ZNF462: variants seen among roughly 807,000 people sequenced by gnomAD.
ZNF462 encodes zinc finger protein 462.
In ZNF462, 10 loss-of-function variants were observed where a neutral mutation model predicts 201.9. The ratio of observed to expected loss-of-function variants is 0.05; its 90% CI spans 0.03 to 0.08. The LOEUF (loss-of-function observed/expected upper bound fraction) is 0.08, where lower values mean the gene tolerates loss of function less well. Ranked by LOEUF, ZNF462 falls within the 10% of genes least tolerant of loss-of-function variation. The pLI is 1.00. For synonymous variants in ZNF462, 1,227 were observed against 1,193.3 expected (o/e 1.03, Z -0.58); for missense variants, 2,523 against 3,168.3 (o/e 0.80, Z 4.89).
intron 1 of ZNF462, among the ~76,000 whole-genome samples, chr9:106,868,771 C>G (rs2130806317): frequency 6.6e-6 from 1 of 152,336 alleles, no homozygotes; most frequent in South Asian, 2.1e-4. Flanking sequence ...GCCCTTTCCA[C>G]TACCCCATTG....
At position 107,011,263 on chromosome 9, in the gene ZNF462, G is replaced by T. The variant is rs544794199; in HGVS notation, c.*233G>T. The T allele has an allele frequency of 1.2e-5, 6 of 486,686 alleles. No individual in the cohort carries two copies. The highest frequency in any genetic ancestry group is 2.2e-5 in the Non-Finnish European group (6 of 269,336). The allele number at this position is 486,686 out of a possible 1,614,324, so 30.1% of individuals were successfully genotyped here. ...TTTCCATCACTACATCTTTTCTTCC[G>T]GATCTTCATCATGGAAGTTTCATTT... is the stretch of plus-strand genomic sequence containing the variant. On this transcript the variant is annotated 3_prime_UTR_variant, in exon 13 of 13. Transcript: ENST00000277225. The surrounding 1 kb of genome is among the most constrained non-coding windows in gnomAD (Gnocchi z 5.6).
Position 106,932,816 on chromosome 9 carries a change from A to G in ZNF462, c.6116+267A>G. Reference sequence around the variant, plus strand: ...ATGATTTACCCAAAGGTAAAATGGCATCTGTGGAGAGTAGATGAGTCTCCT... The same window carrying G: ...ATGATTTACCCAAAGGTAAAATGGCGTCTGTGGAGAGTAGATGAGTCTCCT... On this transcript the variant is annotated intron_variant, in intron 5 of 12. Transcript: ENST00000277225. The surrounding 1 kb of genome is among the most constrained non-coding windows in gnomAD (Gnocchi z 6.8). 1 of 574,494 alleles carries G rather than the reference A, an allele frequency of 1.7e-6. No individual in the cohort carries two copies. Among genetic ancestry groups the G allele is most frequent in the Non-Finnish European group, 3.1e-6 (1 of 323,016 alleles). 35.6% of individuals were successfully genotyped at this position (574,494 alleles called of 1,614,324 possible).
intron 7 of ZNF462, among the ~76,000 whole-genome samples, chr9:106,944,291 T>C (rs1831009526): frequency 6.6e-6 from 1 of 152,206 alleles, no homozygotes. Context: ...CAACAAAACT[T>C]GTCAATGAGT....
chr9:106,888,774 G>T (rs934181397), intron 1 of ZNF462, among the ~76,000 whole-genome samples: 2 of 152,200 alleles, frequency 1.3e-5, no homozygotes, highest in Non-Finnish European at 2.9e-5. Flanking sequence ...TGAGGAAGTA[G>T]GCAAGGTGGG....
chr9:106,921,769 C>T (rs557782054), intron 1 of ZNF462, among the ~76,000 whole-genome samples: 1 of 152,226 alleles, frequency 6.6e-6, no homozygotes, highest in African/African-American at 2.4e-5. Context: ...TGGGGTGGGG[C>T]CTCAGTGACT....
intron 1 of ZNF462, among the ~76,000 whole-genome samples, chr9:106,918,869 G>C (rs1170071842): frequency 1.3e-5 from 2 of 152,202 alleles, no homozygotes; most frequent in Non-Finnish European, 2.9e-5. Flanking sequence ...ACTAAGAAAA[G>C]TTCAAACAAC....
At position 106,929,355 on chromosome 9, in the gene ZNF462, C is replaced by T; in HGVS notation, c.5443C>T (p.His1815Tyr). The change falls in exon 3 of 13, where the codon CAT becomes TAT. Residue 1815 changes from histidine (H) to tyrosine (Y), a missense_variant. By Grantham distance (83) the His-to-Tyr change is moderately conservative. Around this residue, in one of 15 missense-constraint regions of ZNF462, gnomAD observed 207 missense variants for 231.6 expected, o/e 0.89. Coordinates refer to ENST00000277225, the MANE Select transcript of ZNF462 (RefSeq NM_021224.6). The surrounding 1 kb of genome is among the most constrained non-coding windows in gnomAD (Gnocchi z 8.7). ...GYFTAVYADE[H>Y]EKPTLMEEEE... ...CTTCACGGCCGTCTATGCAGATGAG[C>T]ATGAGAAGCCCACACTGATGGAAGA... 1 of 1,614,088 alleles carries T rather than the reference C, an allele frequency of 6.2e-7. No homozygotes were observed.
chr9:107,003,226 T>G lies in ZNF462; in HGVS notation c.7057-68T>G, dbSNP rs113438688. 4.2e-5 allele frequency: 66 copies of G among 1,572,208 alleles called. No individual in the cohort carries two copies. Among genetic ancestry groups the G allele is most frequent in the Non-Finnish European group, 5.6e-5 (65 of 1,159,174 alleles). ...ACAGGAAAATGATGTTAGAAAGATC[T>G]CTCCATCAGGGAGAACCCCATTTGG... On this transcript the variant is annotated intron_variant, in intron 10 of 12. Coordinates refer to ENST00000277225, the MANE Select transcript of ZNF462 (RefSeq NM_021224.6). This position sits in a 1 kb window ranked among gnomAD's most constrained non-coding sequence, Gnocchi z 4.4.
chr9:106,911,306 T>C (rs756622249), intron 1 of ZNF462, among the ~76,000 whole-genome samples: 1 of 152,198 alleles, frequency 6.6e-6, no homozygotes, highest in Non-Finnish European at 1.5e-5. Flanking sequence ...AAGGACTGTG[T>C]AGCTATTATT....
chr9:106,944,693 G>A (rs1178640283), intron 7 of ZNF462, among the ~76,000 whole-genome samples: 1 of 152,118 alleles, frequency 6.6e-6, no homozygotes, highest in Non-Finnish European at 1.5e-5. Flanking sequence ...CTATAATTGT[G>A]TATCTATTTA....
intron 1 of ZNF462, among the ~76,000 whole-genome samples, chr9:106,868,484 A>G (rs1827442944): frequency 6.6e-6 from 1 of 152,232 alleles, no homozygotes; most frequent in African/African-American, 2.4e-5. Context: ...CAAAAATATT[A>G]TTTCTCATGC....
Position 106,928,382 on chromosome 9 carries a change from G to C in ZNF462, c.4470G>C (p.Gly1490=). Residue 1490 remains glycine (G), a synonymous_variant, in exon 3 of 13, where the codon GGG becomes GGC. Coordinates refer to ENST00000277225, the MANE Select transcript of ZNF462 (RefSeq NM_021224.6). The surrounding 1 kb of genome is among the most constrained non-coding windows in gnomAD (Gnocchi z 9.3). ...NNLHGLLTHY[G]KKHPGMKVKA... ...TGCACGGCCTTCTCACTCATTATGG[G>C]AAGAAGCACCCTGGCATGAAAGTGA... is the stretch of plus-strand genomic sequence containing the variant. The C allele has an allele frequency of 6.2e-7, 1 of 1,614,104 alleles. No individual in the cohort carries two copies. Among genetic ancestry groups the C allele is most frequent in the Non-Finnish European group, 8.5e-7 (1 of 1,180,032 alleles).
At chr9:106,896,924 G>A (rs1053947390) in intron 1 of ZNF462, among the ~76,000 whole-genome samples, 2 of 152,186 alleles carry the variant, frequency 1.3e-5, no homozygotes, top group African/African-American at 4.8e-5. Context: ...AAACACCAAA[G>A]TGATCACACA....
In ZNF462 at chr9:106,880,861, C is replaced by T. The variant is rs373918125; in HGVS notation, c.-31+17506C>T. Among the ~76,000 whole-genome samples the T allele has an allele frequency of 2.6e-5, 4 of 152,298 alleles. No homozygotes were observed. The highest frequency in any genetic ancestry group is 7.2e-5 in the African/African-American group (3 of 41,570). On this transcript the variant is annotated intron_variant, in intron 1 of 12. Transcript: ENST00000277225. This position sits in a 1 kb window ranked among gnomAD's most constrained non-coding sequence, Gnocchi z 4.1. Reference sequence around the variant, plus strand: ...TAGACCTTTGACCTTTATACCTGTACGTTACTCTGTACCTCGTGGGTTTAA... The same window carrying T: ...TAGACCTTTGACCTTTATACCTGTATGTTACTCTGTACCTCGTGGGTTTAA...
upstream of ZNF462, chr9:106,863,111 GGA>G (rs138922616): frequency 3.2e-3 from 1,100 of 339,926 alleles, no homozygotes; most frequent in Admixed American, 4.3e-3. Flanking sequence ...AGGGAGGGAG[GGA>G]GAGAGAGAGA....
At chr9:106,896,744 G>A (rs1287469392) in intron 1 of ZNF462, among the ~76,000 whole-genome samples, 1 of 152,150 alleles carries the variant, frequency 6.6e-6, no homozygotes, top group South Asian at 2.1e-4. Context: ...AAACCTTGCT[G>A]TCTCTTGTAT....
rs928772760 is a variant in ZNF462 at position 106,886,856 on chromosome 9, G to T, written c.-31+23501G>T. On this transcript the variant is annotated intron_variant, in intron 1 of 12. Coordinates refer to ENST00000277225, the MANE Select transcript of ZNF462 (RefSeq NM_021224.6). The surrounding 1 kb of genome is among the most constrained non-coding windows in gnomAD (Gnocchi z 4.6). The stretch of plus-strand genomic sequence containing the variant: ...CCTGGAGCTTCACTTTGAGGATTCT[G>T]TGCCTTGTCTAGGCTTGTTGGAAAA... Among the ~76,000 whole-genome samples, 1 of 152,142 alleles carries T rather than the reference G, an allele frequency of 6.6e-6. No individual in the cohort carries two copies. The highest frequency in any genetic ancestry group is 2.4e-5 in the African/African-American group (1 of 41,442).
rs936518126 is a variant in ZNF462 at position 106,919,093 on chromosome 9, TTCAG to T, written c.-30-4256_-30-4253del. Among the ~76,000 whole-genome samples the T allele has an allele frequency of 2.0e-5, 3 of 152,248 alleles. No homozygotes were observed. Among genetic ancestry groups the T allele is most frequent in the African/African-American group, 7.2e-5 (3 of 41,474 alleles). On this transcript the variant is annotated intron_variant, in intron 1 of 12. Transcript: ENST00000277225. This position sits in a 1 kb window ranked among gnomAD's most constrained non-coding sequence, Gnocchi z 4.5. Reference sequence around the variant, plus strand: ...CAGCTTTATTTCTGGGCTGCAGTCCTTCAGTCAGAGAACAGGTTAGATCCAGGCA... The same window carrying T: ...CAGCTTTATTTCTGGGCTGCAGTCCTTCAGAGAACAGGTTAGATCCAGGCA...
In ZNF462 at chr9:106,883,764, C is replaced by G. The variant is rs1027766425; in HGVS notation, c.-31+20409C>G. ...TCCTTTGGCTTATTTATCCTTCTAC[C>G]TGGAATCAGCAGCCCTGGCTTGTTC... On this transcript the variant is annotated intron_variant, in intron 1 of 12. Transcript: ENST00000277225. The surrounding 1 kb of genome is among the most constrained non-coding windows in gnomAD (Gnocchi z 4.9). 6.6e-6 allele frequency among the ~76,000 whole-genome samples: 1 copy of G among 152,194 alleles called. No homozygotes were observed. Among genetic ancestry groups the G allele is most frequent in the Non-Finnish European group, 1.5e-5 (1 of 68,030 alleles).
Sources: allele counts gnomAD v4.1 joint callset (sites outside exome capture counted in the v4.1 genomes callset), GRCh38; gene constraint gnomAD v4.1.1; regional missense constraint gnomAD v4.1.1; non-coding constraint Gnocchi (gnomAD v3.1); transcripts MANE v1.5; gene names NCBI Gene and HGNC (gene_info 2026-07-23, HGNC 2026-07-21).